Variants in ADAMTS14 observed in about 807,000 individuals in gnomAD.
ADAMTS14 encodes A disintegrin and metalloproteinase with thrombospondin motifs 14.
ADAMTS14 carries 100 observed loss-of-function variants against 128.6 expected under a neutral mutation model. That is an observed-to-expected ratio of 0.78 (90% CI 0.66 to 0.92). The LOEUF (loss-of-function observed/expected upper bound fraction) is 0.92, where lower values mean the gene tolerates loss of function less well. Ranked by LOEUF, ADAMTS14 falls within the 40% of genes least tolerant of loss-of-function variation. The probability of loss-of-function intolerance (pLI) is 0.00; values close to 1 mark genes in which losing one functional copy is unlikely to be tolerated. For synonymous variants in ADAMTS14, 665 were observed against 653.8 expected, an observed-to-expected ratio of 1.02 and a Z score of -0.26; for missense variants, 1,562 against 1,658.6, an observed-to-expected ratio of 0.94 and a Z score of 1.01.
chr10:70,732,255 G>A lies in ADAMTS14; in HGVS notation c.1104G>A (p.Gly368=), dbSNP rs144483860. ...ACCTTTTCTTTCTCTCTTCGGCAGGGTATGCACCCGTCACTGGCATGTGTC... is the reference window on the plus strand; with the variant it reads ...ACCTTTTCTTTCTCTCTTCGGCAGGATATGCACCCGTCACTGGCATGTGTC... ...FLTRQDFGPS[G]YAPVTGMCHP... is the part of the protein sequence containing the mutation. The change falls in exon 7 of 22, where the codon GGG becomes GGA. Residue 368 remains glycine, a splice_region_variant and synonymous_variant. Transcript: ENST00000373207. 5.5e-4 allele frequency: 882 copies of A among 1,614,062 alleles called. 3 individuals are homozygous for A. The Middle Eastern group carries it at 7.4e-3, about 14-fold the overall frequency.
Position 70,760,477 on chromosome 10 carries a change from G to A in ADAMTS14, c.3296G>A (p.Gly1099Asp), listed in dbSNP as rs374266969. The A allele has an allele frequency of 4.3e-5, 70 of 1,613,726 alleles. No individual in the cohort carries two copies. Among genetic ancestry groups the A allele is most frequent in the Non-Finnish European group, 5.5e-5 (65 of 1,179,962 alleles). Residue 1099 changes from glycine to aspartate, a missense_variant, in exon 22 of 22, where the codon GGC becomes GAC. By Grantham distance (94) the Gly-to-Asp change is moderately conservative. Transcript: ENST00000373207. ...CCVSCIKKAS[G>D]PNPGPDPGPT... ...GTGTCCTGCATCAAGAAGGCCTCGGGCCCCAACCCTGGCCCAGACCCTGGC... is the reference window on the plus strand; with the variant it reads ...GTGTCCTGCATCAAGAAGGCCTCGGACCCCAACCCTGGCCCAGACCCTGGC...
chr10:70,727,087 G>T (rs867299519), intron 4 of ADAMTS14, among the ~76,000 whole-genome samples: 1 of 152,234 alleles, frequency 6.6e-6, no homozygotes, highest in South Asian at 2.1e-4. Flanking sequence ...CTGCTCTGAA[G>T]TCTGCCCATT....
intron 16 of ADAMTS14, 72 bp from the exon 17 acceptor site, chr10:70,751,406 C>T: frequency 1.4e-6 from 2 of 1,463,520 alleles, no homozygotes; most frequent in Non-Finnish European, 1.9e-6. Context: ...TTCTCTTCGG[C>T]CCCTCCCCTC....
At chr10:70,739,929 T>TAACTTTC (rs990671759) in intron 11 of ADAMTS14, among the ~76,000 whole-genome samples, 4 of 152,214 alleles carry the variant, frequency 2.6e-5, no homozygotes, top group Non-Finnish European at 5.9e-5. Context: ...GACTGCCTTG[T>TAACTTTC]AACTTTCATC....
intron 4 of ADAMTS14, among the ~76,000 whole-genome samples, chr10:70,725,122 G>A (rs920096062): frequency 2.0e-5 from 3 of 152,008 alleles, no homozygotes; most frequent in South Asian, 2.1e-4. Context: ...AGTGTTTTCC[G>A]TTTGGTGAGT....
At chr10:70,728,306 G>A (rs116774356) in intron 4 of ADAMTS14, among the ~76,000 whole-genome samples, 2,528 of 152,286 alleles carry the variant, frequency 0.017, 72 homozygotes, top group African/African-American at 0.058. Context: ...ATGTACACAC[G>A]TGGCATGATG....
chr10:70,732,769 G>A (rs1226544970), intron 7 of ADAMTS14, among the ~76,000 whole-genome samples: 1 of 152,194 alleles, frequency 6.6e-6, no homozygotes, highest in African/African-American at 2.4e-5. Flanking sequence ...AGCCCACCCT[G>A]ATACTCAGCA....
intron 3 of ADAMTS14, among the ~76,000 whole-genome samples, chr10:70,705,071 A>C (rs1288592819): frequency 1.3e-5 from 2 of 152,106 alleles, no homozygotes; most frequent in Admixed American, 6.5e-5. Flanking sequence ...TCATATACAC[A>C]TACTCTCATA....
intron 10 of ADAMTS14, 70 bp downstream of exon 10, chr10:70,736,863 G>A: frequency 2.1e-6 from 3 of 1,427,992 alleles, no homozygotes; most frequent in Non-Finnish European, 2.9e-6. Context: ...CATGGGGGTG[G>A]ATCCCAGAGT....
intron 4 of ADAMTS14, among the ~76,000 whole-genome samples, chr10:70,716,527 T>C (rs1373077975): frequency 6.6e-6 from 1 of 152,224 alleles, no homozygotes; most frequent in Non-Finnish European, 1.5e-5. Flanking sequence ...ACCGACAGTC[T>C]GCCTCCCTGG....
At position 70,736,785 on chromosome 10, in the gene ADAMTS14, C is replaced by A; in HGVS notation, c.1591C>A (p.Pro531Thr). ...CCCGCTGGATGGGACTGAGTGTGCACCCGGCAAGGTACCTGTGGGGTGTGC... is the reference window on the plus strand; with the variant it reads ...CCCGCTGGATGGGACTGAGTGTGCAACCGGCAAGGTACCTGTGGGGTGTGC... ...GPPLDGTECA[P>T]GKWCFKGHCI... Residue 531 changes from proline (P) to threonine (T), a missense_variant, in exon 10 of 22, where the codon CCC becomes ACC. Physicochemically the swap from Pro to Thr is conservative, Grantham distance 38 (BLOSUM62 -1). Coordinates refer to ENST00000373207, the MANE Select transcript of ADAMTS14 (RefSeq NM_080722.4). The A allele has an allele frequency of 6.2e-7, 1 of 1,613,544 alleles. No homozygotes were observed. The highest frequency in any genetic ancestry group is 8.5e-7 in the Non-Finnish European group (1 of 1,179,650).
rs1589308877 is a variant in ADAMTS14, at chr10:70,730,213, G to A, written c.1066G>A (p.Val356Ile). ...DPSHAEHHDHVVFLTRQDFGP... is the reference protein window; with the variant it reads ...DPSHAEHHDHIVFLTRQDFGP... Reference sequence around the variant, plus strand: ...CAGCCACGCTGAGCACCATGACCACGTTGTGTTCCTCACCCGGCAGGACTT... The same window carrying A: ...CAGCCACGCTGAGCACCATGACCACATTGTGTTCCTCACCCGGCAGGACTT... The change falls in exon 6 of 22, where the codon GTT (valine) becomes ATT (isoleucine). Residue 356 changes from valine (V) to isoleucine (I), a missense_variant. Val to Ile is a conservative substitution (Grantham distance 29, BLOSUM62 3). Coordinates refer to ENST00000373207, the MANE Select transcript of ADAMTS14 (RefSeq NM_080722.4). 17 of 1,614,122 alleles carry A rather than the reference G, an allele frequency of 1.1e-5. No homozygotes were observed. Among genetic ancestry groups the A allele is most frequent in the Middle Eastern group, 3.3e-4 (2 of 6,058 alleles).
rs1462253702 is a variant in ADAMTS14, at chr10:70,744,043, A to G, written c.2059-23A>G. ...GGTGGGGGCAGGGGAGCCTCCTCCC[A>G]CTGACCTCACCTCTGGCCTCAGCCT... is the stretch of plus-strand genomic sequence containing the variant. On this transcript the variant is annotated intron_variant, in intron 13 of 21. Transcript: ENST00000373207. The G allele has an allele frequency of 9.7e-6, 15 of 1,553,840 alleles. No homozygotes were observed. The Admixed American group carries it at 1.8e-4, about 18-fold the overall frequency.
At chr10:70,755,501 T>C (rs1236649218) in intron 19 of ADAMTS14, among the ~76,000 whole-genome samples, 3 of 152,096 alleles carry the variant, frequency 2.0e-5, no homozygotes, top group Non-Finnish European at 4.4e-5. Context: ...GTGGTAATGA[T>C]TGTACAACAA....
chr10:70,717,895 G>A (rs535682870), intron 4 of ADAMTS14, among the ~76,000 whole-genome samples: 161 of 152,286 alleles, frequency 1.1e-3, no homozygotes, highest in African/African-American at 3.7e-3. Context: ...ACACTGGCTA[G>A]CACCTCTGCC....
intron 3 of ADAMTS14, among the ~76,000 whole-genome samples, chr10:70,705,184 C>A (rs765420196): frequency 6.6e-6 from 1 of 152,204 alleles, no homozygotes; most frequent in Admixed American, 6.5e-5. Flanking sequence ...CAGGAATTCC[C>A]GGTGCTGGGC....
chr10:70,676,644 G>T (rs1335934780), intron 2 of ADAMTS14, among the ~76,000 whole-genome samples: 1 of 152,206 alleles, frequency 6.6e-6, no homozygotes, highest in Non-Finnish European at 1.5e-5. Context: ...CAGGGCAGCT[G>T]GGGGAGCCTA....
At chr10:70,750,117 C>T (rs906779836) in intron 16 of ADAMTS14, 132 bp downstream of exon 16, 7 of 1,190,862 alleles carry the variant, frequency 5.9e-6, no homozygotes, top group Non-Finnish European at 5.8e-6. Context: ...AGGCACCTTC[C>T]ATCCTGGGAT....
At chr10:70,749,717 A>G in intron 15 of ADAMTS14, 105 bp from the exon 16 acceptor site, 1 of 1,383,414 alleles carries the variant, frequency 7.2e-7, no homozygotes, top group Non-Finnish European at 9.8e-7. Context: ...GCCGGTGGAC[A>G]GGAGCCCAGA....
Sources: allele counts gnomAD v4.1 joint callset (sites outside exome capture counted in the v4.1 genomes callset), GRCh38; gene constraint gnomAD v4.1.1; transcripts MANE v1.5; gene names NCBI Gene and HGNC (gene_info 2026-07-23, HGNC 2026-07-21).